The following GRB10 variants were observed in gnomAD, a reference collection of about 807,000 sequenced individuals.
GRB10 encodes the protein growth factor receptor bound protein 10, also known as growth factor receptor-bound protein 10.
Under a neutral mutation model 80.9 loss-of-function variants are expected in GRB10, and 20 were observed. The ratio of observed to expected loss-of-function variants is 0.25; its 90% CI spans 0.17 to 0.36. GRB10 has a LOEUF of 0.36. GRB10 is among the 10% of genes least tolerant of loss of function. GRB10 has a pLI of 1.00. For missense variants in GRB10, 548 were observed against 747.7 expected, an observed-to-expected ratio of 0.73 and a Z score of 3.12; for synonymous variants, 291 against 291.5, an observed-to-expected ratio of 1.00 and a Z score of 0.02.
chr7:50,756,682 G>A (rs2075132229), intron 2 of GRB10, among the ~76,000 whole-genome samples: 1 of 152,206 alleles, frequency 6.6e-6, no homozygotes, highest in Non-Finnish European at 1.5e-5. Flanking sequence ...TGGGTTCTAG[G>A]CATGGAGAAG....
chr7:50,673,767 C>A (rs1056375823), intron 6 of GRB10, among the ~76,000 whole-genome samples: 1 of 152,158 alleles, frequency 6.6e-6, no homozygotes, highest in Non-Finnish European at 1.5e-5. Context: ...CTCTTTCTCA[C>A]GTGGCTCCTG....
intron 4 of GRB10, among the ~76,000 whole-genome samples, chr7:50,720,538 C>T (rs189614715): frequency 5.3e-5 from 8 of 152,214 alleles, no homozygotes; most frequent in Admixed American, 1.3e-4. Context: ...ACATCCCGGA[C>T]GGGGAGCCCA....
At chr7:50,735,166 G>A (rs772225386) in intron 3 of GRB10, among the ~76,000 whole-genome samples, 1 of 152,076 alleles carries the variant, frequency 6.6e-6, no homozygotes, top group Non-Finnish European at 1.5e-5. Context: ...TATAAATTAA[G>A]AACAATCCAA....
intron 5 of GRB10, among the ~76,000 whole-genome samples, chr7:50,693,014 C>T (rs547183982): frequency 1.3e-5 from 2 of 152,248 alleles, no homozygotes; most frequent in South Asian, 4.2e-4. Context: ...GCACAGGCCT[C>T]AAAGTCATCA....
chr7:50,783,449 A>ACAC (rs2078518495), upstream of GRB10, among the ~76,000 whole-genome samples: 1 of 93,966 alleles, frequency 1.1e-5, no homozygotes, highest in Non-Finnish European at 2.3e-5. Flanking sequence ...CACACACACC[A>ACAC]CACACATCCC....
At chr7:50,744,238 T>C (rs1337252950) in intron 3 of GRB10, among the ~76,000 whole-genome samples, 3 of 151,970 alleles carry the variant, frequency 2.0e-5, no homozygotes, top group Admixed American at 2.0e-4. Flanking sequence ...AGAAACCGCG[T>C]AGAACCATCA....
intron 7 of GRB10, among the ~76,000 whole-genome samples, chr7:50,668,449 C>T (rs1448254842): frequency 2.0e-5 from 3 of 152,178 alleles, no homozygotes; most frequent in South Asian, 4.1e-4. Flanking sequence ...TCACAGGCTC[C>T]GATTCTGAGG....
chr7:50,754,285 C>T (rs1365200244), intron 3 of GRB10, among the ~76,000 whole-genome samples: 3 of 152,228 alleles, frequency 2.0e-5, no homozygotes, highest in African/African-American at 4.8e-5. Context: ...GGCCACAAAG[C>T]GTGGCTTTTT....
At chr7:50,737,804 C>T (rs1328324443) in intron 3 of GRB10, among the ~76,000 whole-genome samples, 9 of 152,262 alleles carry the variant, frequency 5.9e-5, no homozygotes, top group Middle Eastern at 3.4e-3. Flanking sequence ...GCTGAGATCA[C>T]GCCATTGCAC....
chr7:50,652,433 G>T (rs1221590455), intron 7 of GRB10, among the ~76,000 whole-genome samples: 1 of 152,164 alleles, frequency 6.6e-6, no homozygotes, highest in African/African-American at 2.4e-5. Flanking sequence ...TCCTTTATTA[G>T]GGGAACTCCA....
At position 50,644,881 on chromosome 7, in the gene GRB10, C is replaced by T. The variant is rs143380148; in HGVS notation, c.505-17903G>A. On this transcript the variant is annotated intron_variant, in intron 7 of 18. Coordinates refer to ENST00000401949, the MANE Select transcript of GRB10 (RefSeq NM_001350814.2). ...TGGAAGGGGCTGGGTATGGGATGGG[C>T]GGACCAGTTGGTGAAGGAAGACTGG... 7.3e-4 allele frequency among the ~76,000 whole-genome samples: 111 copies of T among 152,250 alleles called. 1 individual carries two copies. The highest frequency in any genetic ancestry group is 2.4e-3 in the African/African-American group (101 of 41,540).
In GRB10 at chr7:50,614,930, T is replaced by C. The variant is rs371199110; in HGVS notation, c.985-50A>G. 200 of 1,171,906 alleles carry C rather than the reference T, an allele frequency of 1.7e-4. 1 individual carries two copies. The African/African-American group carries it at 2.6e-3, about 15-fold the overall frequency. The allele number at this position is 1,171,906 out of a possible 1,614,324, so 72.6% of individuals were successfully genotyped here. On this transcript the variant is annotated intron_variant, in intron 11 of 18. Coordinates refer to ENST00000401949, the MANE Select transcript of GRB10 (RefSeq NM_001350814.2). ...AGTCTCAAGCACAGCAAAGAGCAAA[T>C]GTGTTCACCTCTGGTAGACAGAGGG...
At chr7:50,702,903 CTTACA>C (rs1211398637) in intron 5 of GRB10, among the ~76,000 whole-genome samples, 2 of 152,208 alleles carry the variant, frequency 1.3e-5, no homozygotes, top group Non-Finnish European at 2.9e-5. Flanking sequence ...AACACCAAGG[CTTACA>C]TTATTTCCAT....
chr7:50,728,548 T>G lies in GRB10; in HGVS notation c.51+3724A>C, dbSNP rs377030733. 2.0e-5 allele frequency among the ~76,000 whole-genome samples: 3 copies of G among 152,256 alleles called. 1 individual carries two copies. The highest frequency in any genetic ancestry group is 6.5e-5 in the Admixed American group (1 of 15,302). ...CCTCTGTCCATCCAAAAAGGTTCAT[T>G]CTAGCAGTCAGTGTCCCAGAAAAAA... On this transcript the variant is annotated intron_variant, in intron 4 of 18. Transcript: ENST00000401949.
At chr7:50,720,312 C>G (rs1040334000) in intron 4 of GRB10, among the ~76,000 whole-genome samples, 3 of 152,184 alleles carry the variant, frequency 2.0e-5, no homozygotes, top group African/African-American at 7.2e-5. Flanking sequence ...GTACCAGTAG[C>G]CAGTTTCGCA....
chr7:50,616,450 C>T, intron 10 of GRB10, 103 bp from the exon 11 acceptor site: 1 of 1,102,200 alleles, frequency 9.1e-7, no homozygotes, highest in South Asian at 1.4e-5. Context: ...TTAAAAGACT[C>T]CTTTTTGGAT....
Position 50,604,336 on chromosome 7 carries a change from G to A in GRB10, c.1431C>T (p.Pro477=). ...CTGTACTTAGGGTAGAAGGGTGGAG[G>A]GGACTTTGGCTACCTAGGATGTTCA... ...TRMNILGSQS[P]LHPSTLSTVI... is the part of the protein sequence containing the mutation. Residue 477 remains proline (P), a synonymous_variant, in exon 16 of 19, where the codon CCC becomes CCT. Coordinates refer to ENST00000401949, the MANE Select transcript of GRB10 (RefSeq NM_001350814.2). The A allele has an allele frequency of 6.2e-7, 1 of 1,613,652 alleles. No individual in the cohort carries two copies. The highest frequency in any genetic ancestry group is 1.7e-4 in the Middle Eastern group (1 of 5,820).
At chr7:50,692,153 T>G (rs796520447) in intron 5 of GRB10, among the ~76,000 whole-genome samples, 6 of 152,248 alleles carry the variant, frequency 3.9e-5, no homozygotes, top group African/African-American at 1.4e-4. Context: ...ATAAGTAATC[T>G]AGAGATGATT....
At chr7:50,598,523 T>C (rs2047039854) in intron 17 of GRB10, among the ~76,000 whole-genome samples, 1 of 152,224 alleles carries the variant, frequency 6.6e-6, no homozygotes. Flanking sequence ...GAGTACAATC[T>C]AGACCACGTT....
Sources: allele counts gnomAD v4.1 joint callset (sites outside exome capture counted in the v4.1 genomes callset), GRCh38; gene constraint gnomAD v4.1.1; transcripts MANE v1.5; gene names NCBI Gene and HGNC (gene_info 2026-07-23, HGNC 2026-07-21).